The following PKP4 variants were observed in gnomAD, a reference collection of about 807,000 sequenced individuals.
The protein encoded by PKP4 is plakophilin-4.
PKP4 carries 90 observed loss-of-function variants against 145.1 expected under a neutral mutation model. The ratio of observed to expected loss-of-function variants is 0.62; its 90% CI spans 0.52 to 0.74. The LOEUF is 0.74. Ranked by LOEUF, PKP4 falls within the 30% of genes least tolerant of loss-of-function variation. PKP4 has a pLI of 0.00. For missense variants in PKP4, 1,340 were observed against 1,482.7 expected (o/e 0.90, Z 1.58); for synonymous variants, 563 against 577.2 (o/e 0.98, Z 0.35).
intron 11 of PKP4, among the ~76,000 whole-genome samples, chr2:158,651,104 C>A (rs933081286): frequency 1.3e-5 from 2 of 152,180 alleles, no homozygotes; most frequent in African/African-American, 2.4e-5. Flanking sequence ...GTAGTTTTAT[C>A]CCTGTCTCGT....
intron 9 of PKP4, among the ~76,000 whole-genome samples, chr2:158,638,556 G>A (rs1339252254): frequency 1.3e-5 from 2 of 152,116 alleles, no homozygotes; most frequent in African/African-American, 2.4e-5. Context: ...CCTCCAGCCT[G>A]TTCACCAAGC....
At chr2:158,504,364 C>T (rs988199744) in intron 1 of PKP4, among the ~76,000 whole-genome samples, 2 of 152,162 alleles carry the variant, frequency 1.3e-5, no homozygotes, top group East Asian at 1.9e-4. Context: ...CCTACTTCCC[C>T]GCAGTGTAAT....
intron 1 of PKP4, among the ~76,000 whole-genome samples, chr2:158,509,339 CACTT>C (rs1358576633): frequency 6.6e-6 from 1 of 152,138 alleles, no homozygotes; most frequent in East Asian, 1.9e-4. Flanking sequence ...TTTTACCACT[CACTT>C]TTAGAATTAT....
intron 1 of PKP4, among the ~76,000 whole-genome samples, chr2:158,465,204 C>T (rs528955068): frequency 6.6e-5 from 10 of 152,170 alleles, no homozygotes; most frequent in Non-Finnish European, 1.5e-4. Context: ...AACATTGTTT[C>T]ATAAGTATTA....
chr2:158,470,624 G>A (rs905720950), intron 1 of PKP4, among the ~76,000 whole-genome samples: 21 of 152,190 alleles, frequency 1.4e-4, no homozygotes, highest in African/African-American at 4.8e-4. Context: ...ATCTAAGGAA[G>A]GAAAGGCATC....
intron 9 of PKP4, among the ~76,000 whole-genome samples, chr2:158,637,668 A>G (rs1007616831): frequency 6.6e-6 from 1 of 152,178 alleles, no homozygotes; most frequent in Non-Finnish European, 1.5e-5. Context: ...CTCAAGGATT[A>G]TATTCTTGTG....
intron 3 of PKP4, among the ~76,000 whole-genome samples, chr2:158,593,223 T>C (rs910195123): frequency 6.6e-6 from 1 of 152,142 alleles, no homozygotes; most frequent in African/African-American, 2.4e-5. Flanking sequence ...CAAGGCCAAA[T>C]CTTTGCCCAA....
intron 2 of PKP4, among the ~76,000 whole-genome samples, chr2:158,543,896 T>A (rs2044734355): frequency 6.6e-6 from 1 of 152,312 alleles, no homozygotes; most frequent in African/African-American, 2.4e-5. Context: ...CACTGAGCAC[T>A]TACTATGGGT....
intron 1 of PKP4, among the ~76,000 whole-genome samples, 179 bp from the exon 2 acceptor site, chr2:158,533,001 G>A (rs2043710262): frequency 6.6e-6 from 1 of 152,102 alleles, no homozygotes; most frequent in South Asian, 2.1e-4. Flanking sequence ...TTAGTTTCTT[G>A]ATAAGTTAGT....
intron 17 of PKP4, among the ~76,000 whole-genome samples, chr2:158,670,989 G>GC (rs1406251988): frequency 3.9e-5 from 6 of 152,114 alleles, no homozygotes; most frequent in Non-Finnish European, 5.9e-5. Context: ...CAGTAGCATG[G>GC]CAGCCCTCTC....
rs368945955 is a variant in PKP4, at chr2:158,532,290, G to A, written c.-5-890G>A. On this transcript the variant is annotated intron_variant, in intron 1 of 21. Coordinates refer to ENST00000389759, the MANE Select transcript of PKP4 (RefSeq NM_003628.6). Reference sequence around the variant, plus strand: ...CACATCTAAACAGATAGGGTCTCTCGGGCATCTTAAGCCTTGGCGGGATTT... The same window carrying A: ...CACATCTAAACAGATAGGGTCTCTCAGGCATCTTAAGCCTTGGCGGGATTT... 8.5e-5 allele frequency among the ~76,000 whole-genome samples: 13 copies of A among 152,208 alleles called. 1 individual carries two copies. In the South Asian group the frequency reaches 1.5e-3, roughly 17 times the overall value.
At chr2:158,551,562 C>G (rs1026871197) in intron 2 of PKP4, among the ~76,000 whole-genome samples, 1 of 152,106 alleles carries the variant, frequency 6.6e-6, no homozygotes, top group African/African-American at 2.4e-5. Context: ...TACTCTAACT[C>G]CTAAGGGAAA....
chr2:158,585,079 A>C (rs1574627356), intron 3 of PKP4, among the ~76,000 whole-genome samples: 1 of 152,232 alleles, frequency 6.6e-6, no homozygotes, highest in Non-Finnish European at 1.5e-5. Context: ...AACTTTTGGA[A>C]GTAAAGCACA....
chr2:158,647,817 AGT>A (rs1360193767), intron 11 of PKP4, among the ~76,000 whole-genome samples: 1 of 152,202 alleles, frequency 6.6e-6, no homozygotes, highest in Non-Finnish European at 1.5e-5. Context: ...AGCTGGATGA[AGT>A]ATGGTTGTTC....
intron 4 of PKP4, among the ~76,000 whole-genome samples, chr2:158,606,532 T>C (rs186165415): frequency 6.6e-5 from 10 of 152,322 alleles, no homozygotes; most frequent in Admixed American, 2.6e-4. Context: ...AAATGTAATA[T>C]ATACTCATCA....
At chr2:158,633,942 A>G (rs1272764983) in intron 8 of PKP4, 128 bp from the exon 9 acceptor site, 8 of 596,988 alleles carry the variant, frequency 1.3e-5, no homozygotes, top group Non-Finnish European at 2.1e-5. Flanking sequence ...GAATTTTAAA[A>G]TCTAAAAGTA....
intron 3 of PKP4, among the ~76,000 whole-genome samples, chr2:158,586,694 A>G (rs2048827922): frequency 6.6e-6 from 1 of 152,352 alleles, no homozygotes; most frequent in East Asian, 1.9e-4. Context: ...AAGATACCAA[A>G]TGAGTCAAAG....
chr2:158,529,558 A>C (rs1295490964), intron 1 of PKP4, among the ~76,000 whole-genome samples: 1 of 152,196 alleles, frequency 6.6e-6, no homozygotes, highest in Non-Finnish European at 1.5e-5. Flanking sequence ...CTTATCTGGA[A>C]GTAGTTATGT....
intron 2 of PKP4, among the ~76,000 whole-genome samples, chr2:158,558,128 T>G (rs2046242930): frequency 2.0e-5 from 3 of 152,310 alleles, no homozygotes; most frequent in Admixed American, 6.5e-5. Context: ...TGACCATGGC[T>G]CTATCTCCTC....
Sources: allele counts gnomAD v4.1 joint callset (sites outside exome capture counted in the v4.1 genomes callset), GRCh38; gene constraint gnomAD v4.1.1; transcripts MANE v1.5; gene names NCBI Gene and HGNC (gene_info 2026-07-23, HGNC 2026-07-21).